HERC3: variants seen among roughly 807,000 people sequenced by gnomAD.
HERC3 encodes probable E3 ubiquitin-protein ligase HERC3.
A neutral mutation model predicts 129.9 loss-of-function variants in HERC3; 58 were observed. The ratio of observed to expected loss-of-function variants is 0.45; its 90% CI spans 0.36 to 0.56. HERC3 has a LOEUF of 0.56. HERC3 is among the 20% of genes least tolerant of loss of function. The pLI, the probability that HERC3 is intolerant of heterozygous loss-of-function variation, is 0.00. For missense variants in HERC3, 835 were observed against 1,244.2 expected (o/e 0.67, Z 4.95); for synonymous variants, 430 against 451.0 (o/e 0.95, Z 0.59).
intron 3 of HERC3, among the ~76,000 whole-genome samples, chr4:88,612,327 G>GT (rs1560675020): frequency 1.8e-3 from 265 of 149,688 alleles, no homozygotes; most frequent in Middle Eastern, 6.8e-3. Context: ...GTGTGTGTGT[G>GT]GTAAGAAGGA....
chr4:88,666,618 A>G (rs1279826637), intron 12 of HERC3, among the ~76,000 whole-genome samples: 1 of 152,238 alleles, frequency 6.6e-6, no homozygotes, highest in Non-Finnish European at 1.5e-5. Context: ...GAATGTGTCC[A>G]TTACTCAAAA....
intron 23 of HERC3, chr4:88,697,947 A>C (rs1465648643): frequency 1.4e-6 from 1 of 702,884 alleles, no homozygotes; most frequent in Non-Finnish European, 2.4e-6. Context: ...CCGTGTGCTC[A>C]TACTGCACCA....
the HERC3 span, among the ~76,000 whole-genome samples, chr4:88,542,800 C>T: frequency 6.6e-6 from 1 of 152,128 alleles, no homozygotes; most frequent in Non-Finnish European, 1.5e-5. Context: ...AATCAATAAA[C>T]GTAATCCAGC....
intron 3 of HERC3, among the ~76,000 whole-genome samples, chr4:88,621,448 A>AC (rs1402607979): frequency 6.6e-6 from 1 of 152,186 alleles, no homozygotes; most frequent in Non-Finnish European, 1.5e-5. Context: ...ATATTGTGAA[A>AC]CAAAAACTTT....
the HERC3 span, among the ~76,000 whole-genome samples, chr4:88,568,613 T>C: frequency 6.6e-6 from 1 of 152,036 alleles, no homozygotes. Flanking sequence ...TGGAGGCACA[T>C]GATGAGACTT....
chr4:88,557,989 T>C, the HERC3 span, among the ~76,000 whole-genome samples: 1 of 146,916 alleles, frequency 6.8e-6, no homozygotes, highest in Non-Finnish European at 1.5e-5. Context: ...GAGCATCACT[T>C]GAACCCAGGA....
chr4:88,700,385 C>T (rs1356451277), intron 23 of HERC3, among the ~76,000 whole-genome samples: 1 of 152,106 alleles, frequency 6.6e-6, no homozygotes, highest in Non-Finnish European at 1.5e-5. Context: ...CCCAAAGTGG[C>T]TTTAATCTGT....
intron 25 of HERC3, among the ~76,000 whole-genome samples, 153 bp from the exon 26 acceptor site, chr4:88,706,599 T>A (rs575424921): frequency 1.3e-5 from 2 of 152,262 alleles, no homozygotes; most frequent in African/African-American, 4.8e-5. Flanking sequence ...GCATCTAATT[T>A]TCATTCCACA....
chr4:88,687,340 A>G (rs1733590588), intron 23 of HERC3, 41 bp downstream of exon 23: 1 of 1,298,196 alleles, frequency 7.7e-7, no homozygotes, highest in South Asian at 1.3e-5. Flanking sequence ...CTGCTACTTC[A>G]TATTTCTGCA....
rs543921072 is a variant in HERC3 at position 88,600,710 on chromosome 4, T to C, written c.-29-5085T>C. On this transcript the variant is annotated intron_variant, in intron 2 of 25. Transcript: ENST00000402738. ...CTCCAGGGGAGGCCTCACATACAGATCAGCAGATTTCCTGTTCCATATTTT... is the reference window on the plus strand; with the variant it reads ...CTCCAGGGGAGGCCTCACATACAGACCAGCAGATTTCCTGTTCCATATTTT... Among the ~76,000 whole-genome samples, 7 of 152,238 alleles carry C rather than the reference T, an allele frequency of 4.6e-5. 1 individual carries two copies. Among genetic ancestry groups the C allele is most frequent in the Non-Finnish European group, 5.9e-5 (4 of 68,034 alleles).
intron 23 of HERC3, chr4:88,693,073 G>C: frequency 1.0e-6 from 1 of 979,908 alleles, no homozygotes; most frequent in Non-Finnish European, 1.2e-6. Flanking sequence ...TGCTATTTCA[G>C]AGTACTCATG....
chr4:88,542,234 A>G, the HERC3 span, among the ~76,000 whole-genome samples: 3 of 152,158 alleles, frequency 2.0e-5, no homozygotes, highest in Admixed American at 2.0e-4. Flanking sequence ...AATCAAATAG[A>G]TGCAATAAAA....
chr4:88,693,590 G>A (rs1030174803), intron 23 of HERC3: 12 of 938,848 alleles, frequency 1.3e-5, no homozygotes, highest in Admixed American at 6.2e-5. Context: ...TGTACAAAAC[G>A]CCACTGAATT....
At chr4:88,693,682 G>C (rs1734302829) in intron 23 of HERC3, 2 of 984,514 alleles carry the variant, frequency 2.0e-6, no homozygotes, top group African/African-American at 3.5e-5. Flanking sequence ...GTGTAAATGT[G>C]TCTATGTGTA....
chr4:88,668,696 T>C (rs1033211109), intron 14 of HERC3: 7 of 153,538 alleles, frequency 4.6e-5, no homozygotes, highest in Admixed American at 2.6e-4. Context: ...TTTTACTTTT[T>C]TCCCCCCTGG....
chr4:88,637,295 G>A (rs1313582007), intron 3 of HERC3, among the ~76,000 whole-genome samples: 1 of 151,956 alleles, frequency 6.6e-6, no homozygotes, highest in Admixed American at 6.6e-5. Context: ...GCATGATGGC[G>A]GACGCCTGTG....
At chr4:88,574,111 C>A in the HERC3 span, among the ~76,000 whole-genome samples, 494 of 152,244 alleles carry the variant, frequency 3.2e-3, 2 homozygotes, top group African/African-American at 0.011. Context: ...AAAACTGCAG[C>A]TCCCTGAAAG....
the HERC3 span, among the ~76,000 whole-genome samples, chr4:88,568,155 T>G: frequency 1.3e-5 from 2 of 152,228 alleles, no homozygotes; most frequent in Non-Finnish European, 2.9e-5. Context: ...CTCTCCATGC[T>G]GCGCAGGCTG....
the HERC3 span, among the ~76,000 whole-genome samples, chr4:88,534,175 T>G: frequency 6.6e-6 from 1 of 152,256 alleles, no homozygotes; most frequent in African/African-American, 2.4e-5. Context: ...TTCCGGATGC[T>G]GCTGCTGAAT....
Sources: gnomAD v4.1 joint callset for allele counts (sites outside exome capture counted in the v4.1 genomes callset) on GRCh38, gnomAD v4.1.1 for gene constraint, MANE v1.5 for transcripts, NCBI Gene and HGNC (gene_info 2026-07-23, HGNC 2026-07-21) for gene names.